Variants in MDH2 observed in about 807,000 individuals in gnomAD.
MDH2 encodes malate dehydrogenase, mitochondrial.
In MDH2, 25 loss-of-function variants were observed where a neutral mutation model predicts 33.6. The ratio of observed to expected loss-of-function variants is 0.74; its 90% confidence interval spans 0.54 to 1.04. The LOEUF is 1.04. MDH2 is among the 50% of genes least tolerant of loss of function. The probability of loss-of-function intolerance (pLI) is 0.00; values close to 1 mark genes in which losing one functional copy is unlikely to be tolerated. For synonymous variants in MDH2, 193 were observed against 188.7 expected, an observed-to-expected ratio of 1.02 and a Z score of -0.19; for missense variants, 432 against 445.0, an observed-to-expected ratio of 0.97 and a Z score of 0.26.
At position 76,057,952 on chromosome 7, in the gene MDH2, T is replaced by C. The variant is rs782787563; in HGVS notation, c.320-17T>C. 1.1e-5 allele frequency: 17 copies of C among 1,611,708 alleles called. No homozygotes were observed. Among genetic ancestry groups the C allele is most frequent in the Non-Finnish European group, 1.4e-5 (17 of 1,178,060 alleles). ...TGTGGTGTTCTCTGTTAACATCTCATATTGGATCATTTCCAGGCATGACCC... is the reference window on the plus strand; with the variant it reads ...TGTGGTGTTCTCTGTTAACATCTCACATTGGATCATTTCCAGGCATGACCC... On this transcript the variant is annotated splice_polypyrimidine_tract_variant and intron_variant, in intron 3 of 8. Coordinates refer to ENST00000315758, the MANE Select transcript of MDH2 (RefSeq NM_005918.4).
intron 6 of MDH2, 86 bp from the exon 7 acceptor site, chr7:76,064,253 G>C: frequency 2.3e-6 from 2 of 882,380 alleles, no homozygotes; most frequent in Non-Finnish European, 3.5e-6. Flanking sequence ...AGGGAGAGGA[G>C]AGGTCGGGAA....
intron 1 of MDH2, chr7:76,054,365 T>C: frequency 5.5e-6 from 1 of 182,854 alleles, no homozygotes. Context: ...TCTGCCCTCT[T>C]GCACAAGGGG....
rs1554584391 is a variant in MDH2 at position 76,048,118 on chromosome 7, C to G, written c.-43C>G. The G allele has an allele frequency of 1.3e-6, 2 of 1,536,562 alleles. No homozygotes were observed. Among genetic ancestry groups the G allele is most frequent in the South Asian group, 2.4e-5 (2 of 84,052 alleles). On this transcript the variant is annotated 5_prime_UTR_variant, in exon 1 of 9. Coordinates refer to ENST00000315758, the MANE Select transcript of MDH2 (RefSeq NM_005918.4). ...GGTCGTTGGAGTCACTTCCCCGTCA[C>G]CAGCTCCTGTGCCTGCCAGTCGGTG...
At chr7:76,048,951 G>A (rs1442844601) in intron 1 of MDH2, 6 of 704,840 alleles carry the variant, frequency 8.5e-6, no homozygotes, top group Non-Finnish European at 8.5e-6. Context: ...AAAAACAGAC[G>A]TCTGGGTTCA....
chr7:76,050,942 C>T lies in MDH2; in HGVS notation c.66+2716C>T, dbSNP rs147190519. ...TGTTGCCCAGGCTGGAGTACAGTGG[C>T]GTGATCTCGGCTCACTGCAGCCTCC... On this transcript the variant is annotated intron_variant, in intron 1 of 8. Transcript: ENST00000315758. 9.8e-3 allele frequency among the ~76,000 whole-genome samples: 1,491 copies of T among 151,782 alleles called. 27 individuals carry two copies. The highest frequency in any genetic ancestry group is 0.032 in the African/African-American group (1,311 of 41,390).
chr7:76,057,100 T>TA (rs1163486111), intron 2 of MDH2, among the ~76,000 whole-genome samples: 2 of 152,134 alleles, frequency 1.3e-5, no homozygotes, highest in East Asian at 1.9e-4. Flanking sequence ...AAGTGTGACT[T>TA]ACAATGCTCA....
chr7:76,060,134 A>G (rs782459976), intron 4 of MDH2, among the ~76,000 whole-genome samples: 5 of 152,194 alleles, frequency 3.3e-5, no homozygotes, highest in African/African-American at 1.2e-4. Flanking sequence ...TGATAGCTGA[A>G]GGGCCACCAA....
chr7:76,048,867 G>A (rs1373273213), intron 1 of MDH2: 19 of 1,163,634 alleles, frequency 1.6e-5, no homozygotes, highest in Non-Finnish European at 1.8e-5. Context: ...TAGGAGCCTA[G>A]GCTATTTTTA....
intron 1 of MDH2, 133 bp downstream of exon 1, chr7:76,048,359 T>C (rs958860048): frequency 1.3e-4 from 169 of 1,319,672 alleles, no homozygotes; most frequent in Non-Finnish European, 1.5e-4. Context: ...GGCTGGAGAC[T>C]GTGGCGCCCG....
At chr7:76,056,496 C>G (rs1479547493) in intron 2 of MDH2, among the ~76,000 whole-genome samples, 4 of 152,102 alleles carry the variant, frequency 2.6e-5, no homozygotes, top group African/African-American at 9.7e-5. Context: ...CCAGAGTTCT[C>G]TGAATGGGTT....
intron 6 of MDH2, among the ~76,000 whole-genome samples, chr7:76,063,849 G>C (rs1474789585): frequency 6.6e-6 from 1 of 152,218 alleles, no homozygotes; most frequent in Non-Finnish European, 1.5e-5. Context: ...TACTGGTTAG[G>C]CCGGAGCGGG....
In MDH2 at chr7:76,061,553, T is replaced by C. The variant is rs528504972; in HGVS notation, c.555+1055T>C. ...ACTTTGGGAGGCTGAGGTGGGATGG[T>C]TGCTTGAACCCAGGAGTTCAAGACT... is the stretch of plus-strand genomic sequence containing the variant. On this transcript the variant is annotated intron_variant, in intron 5 of 8. Transcript: ENST00000315758. Among the ~76,000 whole-genome samples, 4 of 152,224 alleles carry C rather than the reference T, an allele frequency of 2.6e-5. No homozygotes were observed. The East Asian group carries it at 5.8e-4, about 22-fold the overall frequency.
intron 4 of MDH2, among the ~76,000 whole-genome samples, chr7:76,058,402 G>C (rs1454649880): frequency 6.6e-6 from 1 of 152,150 alleles, no homozygotes; most frequent in Non-Finnish European, 1.5e-5. Context: ...TGATTGTGGT[G>C]GTCTCTTGAT....
At chr7:76,063,667 G>A (rs911940014) in intron 6 of MDH2, 75 bp downstream of exon 6, 28 of 1,454,150 alleles carry the variant, frequency 1.9e-5, no homozygotes, top group African/African-American at 5.6e-5. Context: ...AGGTGATCCC[G>A]GTAGACTGGA....
intron 1 of MDH2, among the ~76,000 whole-genome samples, chr7:76,053,623 T>A (rs373574903): frequency 6.6e-6 from 1 of 152,312 alleles, no homozygotes; most frequent in East Asian, 1.9e-4. Flanking sequence ...AAGCCTGTTA[T>A]TAGCTGGCCT....
At chr7:76,062,955 T>A (rs903099404) in intron 5 of MDH2, among the ~76,000 whole-genome samples, 35 of 152,092 alleles carry the variant, frequency 2.3e-4, no homozygotes, top group African/African-American at 8.4e-4. Context: ...TACCTCCAGT[T>A]TAAGAAATGA....
chr7:76,060,443 TC>T lies in MDH2; in HGVS notation c.501del (p.Phe167LeufsTer3). ...KHGVYNPNKI[F>X]GVTTLDIVRA... ...GGAGTGTACAACCCCAACAAAATCTTCGGCGTGACGACCCTGGACATCGTCA... is the reference window on the plus strand; with the variant it reads ...GGAGTGTACAACCCCAACAAAATCTTGGCGTGACGACCCTGGACATCGTCA... On this transcript the variant is annotated frameshift_variant, in exon 5 of 9. Transcript: ENST00000315758. LOFTEE classifies it high-confidence loss of function. 6.2e-7 allele frequency: 1 copy of T among 1,614,032 alleles called. No homozygotes were observed. The highest frequency in any genetic ancestry group is 8.5e-7 in the Non-Finnish European group (1 of 1,180,002).
Position 76,066,337 on chromosome 7 carries a change from T to A in MDH2, c.944T>A (p.Met315Lys), listed in dbSNP as rs1020757648. The A allele has an allele frequency of 3.1e-6, 5 of 1,611,096 alleles. No individual in the cohort carries two copies. The highest frequency in any genetic ancestry group is 4.2e-6 in the Non-Finnish European group (5 of 1,179,166). Residue 315 changes from methionine (M) to lysine (K), a missense_variant, in exon 9 of 9, where the codon ATG (methionine) becomes AAG (lysine). Physicochemically the swap from Met to Lys is moderately conservative, Grantham distance 95. Coordinates refer to ENST00000315758, the MANE Select transcript of MDH2 (RefSeq NM_005918.4). The stretch of plus-strand genomic sequence containing the variant: ...AAAGTCTCCTCTTTTGAGGAGAAGA[T>A]GATCTCGGATGCCATCCCCGAGCTG... ...IGKVSSFEEKMISDAIPELKA... is the reference protein window; with the variant it reads ...IGKVSSFEEKKISDAIPELKA...
rs571446057 is a variant in MDH2 at position 76,057,886 on chromosome 7, G to C, written c.320-83G>C. On this transcript the variant is annotated intron_variant, in intron 3 of 8. Transcript: ENST00000315758. ...GGGACCTTGAGTGGCTAAATTTCCT[G>C]TAACAGCTGGCGCTCAGCACATGCT... 9 of 1,344,012 alleles carry C rather than the reference G, an allele frequency of 6.7e-6. No individual in the cohort carries two copies. The African/African-American group carries it at 1.1e-4, about 17-fold the overall frequency. 83.3% of individuals were successfully genotyped at this position (1,344,012 alleles called of 1,614,324 possible).
Sources: allele counts gnomAD v4.1 joint callset (sites outside exome capture counted in the v4.1 genomes callset), GRCh38; gene constraint gnomAD v4.1.1; transcripts MANE v1.5; gene names NCBI Gene and HGNC (gene_info 2026-07-23, HGNC 2026-07-21).